Variants in PYGO1 observed in about 807,000 individuals in gnomAD.
PYGO1 encodes the protein pygopus family PHD finger 1.
In PYGO1, 6 loss-of-function variants were observed where a neutral mutation model predicts 29.5. The observed-to-expected ratio is 0.20, with a 90% CI of 0.11 to 0.40. The LOEUF (loss-of-function observed/expected upper bound fraction) is 0.40, where lower values mean the gene tolerates loss of function less well. Among genes scored for constraint, PYGO1 ranks in the 10% least tolerant of loss-of-function variants. The pLI, the probability that PYGO1 is intolerant of heterozygous loss-of-function variation, is 1.00. For synonymous variants in PYGO1, 186 were observed against 180.5 expected (o/e 1.03, Z -0.24); for missense variants, 515 against 514.9 (o/e 1.00, Z 0.00).
intron 1 of PYGO1, among the ~76,000 whole-genome samples, chr15:55,559,104 C>T (rs1335120790): frequency 2.6e-5 from 4 of 152,246 alleles, no homozygotes; most frequent in Non-Finnish European, 5.9e-5. Context: ...GGGCTAATAT[C>T]CAGAATCTAC....
chr15:55,538,916 G>A lies in PYGO1; in HGVS notation c.*7107C>T, dbSNP rs1595976279. The A allele has an allele frequency of 6.6e-6, 1 of 152,234 alleles. No homozygotes were observed. Among genetic ancestry groups the A allele is most frequent in the South Asian group, 2.1e-4 (1 of 4,824 alleles). 9.4% of individuals were successfully genotyped at this position (152,234 alleles called of 1,614,324 possible). ...CTTTAAAAACTAGCTTTATTTAAAA[G>A]AATCTGAACCATAATAACACTATAG... On this transcript the variant is annotated 3_prime_UTR_variant, in exon 3 of 3. Coordinates refer to ENST00000563719, the MANE Select transcript of PYGO1 (RefSeq NM_001367806.1).
At chr15:55,559,631 A>G (rs1015959883) in intron 1 of PYGO1, among the ~76,000 whole-genome samples, 1 of 152,178 alleles carries the variant, frequency 6.6e-6, no homozygotes, top group African/African-American at 2.4e-5. Context: ...ACATATACAC[A>G]ATGGAATACT....
At chr15:55,551,835 C>A (rs1338266713) in intron 1 of PYGO1, among the ~76,000 whole-genome samples, 3 of 151,792 alleles carry the variant, frequency 2.0e-5, no homozygotes, top group Non-Finnish European at 4.4e-5. Context: ...CAAAAATTCT[C>A]AACAAAATAC....
chr15:55,570,442 A>T (rs1441540579), intron 1 of PYGO1, among the ~76,000 whole-genome samples: 1 of 151,956 alleles, frequency 6.6e-6, no homozygotes, highest in Non-Finnish European at 1.5e-5. Context: ...TGTTGGAATC[A>T]CTTGGGAGCT....
intron 1 of PYGO1, among the ~76,000 whole-genome samples, chr15:55,580,292 ATTG>A (rs1567060255): frequency 6.6e-6 from 1 of 152,110 alleles, no homozygotes; most frequent in East Asian, 1.9e-4. Flanking sequence ...TTTTTTGTTC[ATTG>A]TTTTCTTTCT....
intron 1 of PYGO1, among the ~76,000 whole-genome samples, chr15:55,565,042 A>T (rs1179381736): frequency 1.3e-5 from 2 of 152,176 alleles, no homozygotes; most frequent in African/African-American, 4.8e-5. Context: ...TTGTGCTTCA[A>T]GTCTCTGATT....
intron 1 of PYGO1, among the ~76,000 whole-genome samples, chr15:55,558,965 A>G (rs562666451): frequency 6.6e-6 from 1 of 152,016 alleles, no homozygotes; most frequent in Admixed American, 6.6e-5. Flanking sequence ...AATGGCAACA[A>G]AAGCCAAAAT....
At chr15:55,565,152 G>A (rs1042167459) in intron 1 of PYGO1, among the ~76,000 whole-genome samples, 5 of 152,202 alleles carry the variant, frequency 3.3e-5, no homozygotes, top group South Asian at 2.1e-4. Context: ...CAGGTGAACT[G>A]TGCCATATGA....
At chr15:55,568,782 G>A (rs971983929) in intron 1 of PYGO1, among the ~76,000 whole-genome samples, 1 of 152,090 alleles carries the variant, frequency 6.6e-6, no homozygotes, top group African/African-American at 2.4e-5. Context: ...CTAGTTTGCT[G>A]AGGGTTTTTA....
chr15:55,587,858 G>A lies in PYGO1; in HGVS notation c.26C>T (p.Pro9Leu). The change falls in exon 1 of 3, where the codon CCC becomes CTC. Residue 9 changes from proline to leucine, a missense_variant. Coordinates refer to ENST00000563719, the MANE Select transcript of PYGO1 (RefSeq NM_001367806.1). MSAEQEKD[P>L]ISLKRVRGGD... ...ACCTCGAACTCTCTTCAGCGAAATG[G>A]GATCCTTCTCCTGTTCTGCTGACAT... The A allele has an allele frequency of 6.7e-7, 1 of 1,495,100 alleles. No homozygotes were observed. Among genetic ancestry groups the A allele is most frequent in the Non-Finnish European group, 8.9e-7 (1 of 1,125,318 alleles). 92.6% of individuals were successfully genotyped at this position (1,495,100 alleles called of 1,614,324 possible).
rs2058822783 is a variant in PYGO1 at position 55,540,090 on chromosome 15, G to A, written c.*5933C>T. Reference sequence around the variant, plus strand: ...AATGCTTTTAAATTACTATTCTTAAGTAAACACCTCTAAATAAAAAGCTTA... The same window carrying A: ...AATGCTTTTAAATTACTATTCTTAAATAAACACCTCTAAATAAAAAGCTTA... On this transcript the variant is annotated 3_prime_UTR_variant, in exon 3 of 3. Coordinates refer to ENST00000563719, the MANE Select transcript of PYGO1 (RefSeq NM_001367806.1). 6.6e-6 allele frequency: 1 copy of A among 151,934 alleles called. No homozygotes were observed. Among genetic ancestry groups the A allele is most frequent in the Non-Finnish European group, 1.5e-5 (1 of 67,892 alleles). The allele number at this position is 151,934 out of a possible 1,614,324, so 9.4% of individuals were successfully genotyped here.
At chr15:55,554,706 C>A (rs924944184) in intron 1 of PYGO1, among the ~76,000 whole-genome samples, 1 of 152,054 alleles carries the variant, frequency 6.6e-6, no homozygotes, top group African/African-American at 2.4e-5. Flanking sequence ...AAAAACACAA[C>A]ATGAGAACCT....
At position 55,588,079 on chromosome 15, in the gene PYGO1, G is replaced by T; in HGVS notation, c.-196C>A. On this transcript the variant is annotated 5_prime_UTR_variant, in exon 1 of 3. Coordinates refer to ENST00000563719, the MANE Select transcript of PYGO1 (RefSeq NM_001367806.1). The stretch of plus-strand genomic sequence containing the variant: ...GAGGACGAGGCCTCGGGGCGGCGGG[G>T]CGGCGGGGCGGCGTGCGGGCACCGG... 1 of 1,061,140 alleles carries T rather than the reference G, an allele frequency of 9.4e-7. No individual in the cohort carries two copies. Among genetic ancestry groups the T allele is most frequent in the Non-Finnish European group, 1.1e-6 (1 of 879,398 alleles). The allele number at this position is 1,061,140 out of a possible 1,614,324, so 65.7% of individuals were successfully genotyped here. A position where few individuals can be genotyped will look rare whatever the true frequency, so the allele number is the denominator to read the frequency against.
upstream of PYGO1, chr15:55,588,855 G>A (rs1290014180): frequency 2.5e-6 from 4 of 1,613,592 alleles, no homozygotes; most frequent in Non-Finnish European, 3.4e-6. Context: ...GCGGGCATGT[G>A]GGGATCCAGA....
chr15:55,574,127 C>G (rs1009514429), intron 1 of PYGO1, among the ~76,000 whole-genome samples: 6 of 152,014 alleles, frequency 3.9e-5, no homozygotes. Flanking sequence ...TGGTACAGCA[C>G]TAAAGATGAT....
intron 1 of PYGO1, 21 bp downstream of exon 1, chr15:55,587,814 T>C (rs1258960861): frequency 2.0e-5 from 29 of 1,484,540 alleles, no homozygotes; most frequent in Non-Finnish European, 1.9e-5. Context: ...GTTCCCCCAA[T>C]CCGGCACCCT....
At chr15:55,567,979 C>T (rs759935106) in intron 1 of PYGO1, among the ~76,000 whole-genome samples, 5 of 152,160 alleles carry the variant, frequency 3.3e-5, no homozygotes, top group Non-Finnish European at 5.9e-5. Flanking sequence ...GTTTTTGATA[C>T]TGCTGCCTTA....
chr15:55,577,751 C>A (rs1236893608), intron 1 of PYGO1, among the ~76,000 whole-genome samples: 1 of 147,986 alleles, frequency 6.8e-6, no homozygotes, highest in African/African-American at 2.5e-5. Flanking sequence ...CACCCCCTGA[C>A]AATTACTAAT....
upstream of PYGO1, among the ~76,000 whole-genome samples, chr15:55,588,360 T>G (rs1353645168): frequency 6.7e-6 from 1 of 148,404 alleles, no homozygotes; most frequent in Non-Finnish European, 1.5e-5. Flanking sequence ...GCCCCCAGAC[T>G]GGAGCCGCCT....
Sources: gnomAD v4.1 joint callset for allele counts (sites outside exome capture counted in the v4.1 genomes callset) on GRCh38, gnomAD v4.1.1 for gene constraint, MANE v1.5 for transcripts, NCBI Gene and HGNC (gene_info 2026-07-23, HGNC 2026-07-21) for gene names.